Variants in SLCO4A1 observed in about 807,000 individuals in gnomAD.
The protein encoded by SLCO4A1 is solute carrier organic anion transporter family member 4A1.
Under a neutral mutation model 64.6 loss-of-function variants are expected in SLCO4A1, and 51 were observed. That is an observed-to-expected ratio of 0.79 (90% CI 0.63 to 1.00). The LOEUF is 1.00. SLCO4A1 is among the 50% of genes least tolerant of loss of function. The pLI is 0.00. For missense variants in SLCO4A1, 919 were observed against 980.5 expected, an observed-to-expected ratio of 0.94 and a Z score of 0.84; for synonymous variants, 471 against 444.9, an observed-to-expected ratio of 1.06 and a Z score of -0.74.
At chr20:62,658,309 G>A (rs1482364911) in intron 2 of SLCO4A1, among the ~76,000 whole-genome samples, 2 of 152,310 alleles carry the variant, frequency 1.3e-5, no homozygotes, top group South Asian at 2.1e-4. Context: ...GGGAGAGTGA[G>A]CGTGGCTGGG....
At chr20:62,653,503 T>C (rs1228675733) in intron 1 of SLCO4A1, among the ~76,000 whole-genome samples, 1 of 152,254 alleles carries the variant, frequency 6.6e-6, no homozygotes, top group African/African-American at 2.4e-5. Flanking sequence ...TGCTGTAGTG[T>C]CTGTCAGCAT....
Position 62,669,054 on chromosome 20 carries a change from A to T in SLCO4A1, c.2001A>T (p.Ile667=). ...AGAATTCGGCCATGAGCCGCTACAT[A>T]CTCATCATGGGGCTCCTGTACAAGG... ...VYQNSAMSRY[I]LIMGLLYKVL... The change falls in exon 11 of 12, where the codon ATA becomes ATT. Residue 667 remains isoleucine, a synonymous_variant. Coordinates refer to ENST00000217159, the MANE Select transcript of SLCO4A1 (RefSeq NM_016354.4). 1 of 1,611,144 alleles carries T rather than the reference A, an allele frequency of 6.2e-7. No homozygotes were observed. Among genetic ancestry groups the T allele is most frequent in the South Asian group, 1.1e-5 (1 of 91,082 alleles).
In SLCO4A1 at chr20:62,661,041, C is replaced by CCCCCCCCCCCCCCACACAA; in HGVS notation, c.1010-23_1010-22insCCCCCCCCCCCCCACACAA. 3 of 1,424,142 alleles carry CCCCCCCCCCCCCCACACAA rather than the reference C, an allele frequency of 2.1e-6. No homozygotes were observed. The highest frequency in any genetic ancestry group is 3.0e-6 in the Non-Finnish European group (3 of 1,010,140). The allele number at this position is 1,424,142 out of a possible 1,614,324, so 88.2% of individuals were successfully genotyped here. On this transcript the variant is annotated intron_variant, in intron 4 of 11. Transcript: ENST00000217159. The surrounding 1 kb of genome is among the most constrained non-coding windows in gnomAD (Gnocchi z 5.2). ...TCCGGGAGCCCCCAGCCCCCAGCCCCAGCTCACTCTGTGCCCTTCCAGGCT... is the reference window on the plus strand; with the variant it reads ...TCCGGGAGCCCCCAGCCCCCAGCCCCCCCCCCCCCCCCCACACAAAGCTCACTCTGTGCCCTTCCAGGCT...
At chr20:62,660,012 C>T (rs1984469385) in intron 3 of SLCO4A1, among the ~76,000 whole-genome samples, 1 of 152,240 alleles carries the variant, frequency 6.6e-6, no homozygotes, top group Non-Finnish European at 1.5e-5. Context: ...CAGTGAGCTC[C>T]AGCTGAGCCC....
Position 62,680,015 on chromosome 20 carries a change from C to A in SLCO4A1, n.212-5426C>A, listed in dbSNP as rs373320335. Reference sequence around the variant, plus strand: ...TTGTTCCAGGGCTACCCCCAGGAATCCCCCAGGAGAGGAGAGCTCGTCTTG... The same window carrying A: ...TTGTTCCAGGGCTACCCCCAGGAATACCCCAGGAGAGGAGAGCTCGTCTTG... On this transcript the variant is annotated intron_variant and non_coding_transcript_variant, in intron 2 of 2. Transcript: ENST00000466818. Among the ~76,000 whole-genome samples the A allele has an allele frequency of 3.9e-5, 6 of 152,318 alleles. No homozygotes were observed. In the East Asian group the frequency reaches 1.2e-3, roughly 29 times the overall value.
chr20:62,655,698 C>T (rs1197374957), intron 1 of SLCO4A1, among the ~76,000 whole-genome samples: 1 of 152,224 alleles, frequency 6.6e-6, no homozygotes, highest in African/African-American at 2.4e-5. Flanking sequence ...GCTGACCCAG[C>T]AGCGGCCGGA....
intron 2 of SLCO4A1, among the ~76,000 whole-genome samples, chr20:62,684,167 C>CACG (rs1477812116): frequency 6.6e-6 from 1 of 152,166 alleles, no homozygotes; most frequent in Non-Finnish European, 1.5e-5. Context: ...CACTCATCCC[C>CACG]CAACAGCAGT....
At chr20:62,686,888 GGCA>G (rs1237216362), downstream of SLCO4A1, among the ~76,000 whole-genome samples, 1 of 151,308 alleles carries the variant, frequency 6.6e-6, no homozygotes, top group Non-Finnish European at 1.5e-5. Flanking sequence ...CAATGGGAAG[GGCA>G]CCCCCAAACA....
At position 62,672,137 on chromosome 20, in the gene SLCO4A1, T is replaced by C. The variant is rs1422455653; in HGVS notation, c.*244T>C. ...TTTGCATCAGAACGTGTTTATAGAA[T>C]GTGTTTTATACCCGATCGTGTGTGG... On this transcript the variant is annotated 3_prime_UTR_variant, in exon 12 of 12. Coordinates refer to ENST00000217159, the MANE Select transcript of SLCO4A1 (RefSeq NM_016354.4). 13 of 1,403,706 alleles carry C rather than the reference T, an allele frequency of 9.3e-6. No individual in the cohort carries two copies. Among genetic ancestry groups the C allele is most frequent in the East Asian group, 5.5e-5 (2 of 36,506 alleles). The allele number at this position is 1,403,706 out of a possible 1,614,324, so 87.0% of individuals were successfully genotyped here.
intron 9 of SLCO4A1, 126 bp from the exon 10 acceptor site, chr20:62,668,351 G>A (rs748982065): frequency 7.8e-7 from 1 of 1,276,630 alleles, no homozygotes; most frequent in Admixed American, 1.7e-5. Flanking sequence ...CTCTGACGAG[G>A]GGCTTCCCAC....
Position 62,657,117 on chromosome 20 carries a change from G to T in SLCO4A1, c.663G>T (p.Ser221=). 1 of 1,583,558 alleles carries T rather than the reference G, an allele frequency of 6.3e-7. No homozygotes were observed. Among genetic ancestry groups the T allele is most frequent in the African/African-American group, 1.3e-5 (1 of 74,504 alleles). ...GCGCGGTGTGTGCGGACAGCACCTC[G>T]GGCCTGTCCCGCTACCAGCTGGTCT... ...NPGAVCADST[S]GLSRYQLVFM... Residue 221 remains serine, a synonymous_variant, in exon 2 of 12, where the codon TCG becomes TCT. Transcript: ENST00000217159.
downstream of SLCO4A1, among the ~76,000 whole-genome samples, chr20:62,673,307 C>T (rs1987415031): frequency 1.4e-5 from 2 of 142,798 alleles, no homozygotes; most frequent in African/African-American, 2.5e-5. Flanking sequence ...GGAAGTGGAT[C>T]GCCACTCAGA....
At chr20:62,653,165 G>A (rs763129556) in intron 1 of SLCO4A1, among the ~76,000 whole-genome samples, 3 of 152,254 alleles carry the variant, frequency 2.0e-5, no homozygotes, top group Admixed American at 2.0e-4. Flanking sequence ...GCCTGGGGCT[G>A]AGGCATCCAT....
chr20:62,656,097 A>G (rs1295623380), intron 1 of SLCO4A1, among the ~76,000 whole-genome samples: 2 of 152,208 alleles, frequency 1.3e-5, no homozygotes, highest in South Asian at 2.1e-4. Context: ...TCTCCTTCCA[A>G]CAGTTCTAAA....
chr20:62,651,436 C>A (rs1190627940), intron 1 of SLCO4A1: 1 of 152,200 alleles, frequency 6.6e-6, no homozygotes, highest in Non-Finnish European at 1.5e-5. Context: ...CAACGGAAGC[C>A]CCTGGAGGTG....
intron 7 of SLCO4A1, among the ~76,000 whole-genome samples, chr20:62,667,010 G>A (rs931113340): frequency 3.9e-5 from 6 of 152,236 alleles, no homozygotes; most frequent in South Asian, 4.1e-4. Flanking sequence ...CAAAATACAC[G>A]TAGGTAGCCT....
chr20:62,662,333 G>A (rs1390396608), intron 5 of SLCO4A1, among the ~76,000 whole-genome samples: 8 of 152,124 alleles, frequency 5.3e-5, no homozygotes, highest in Non-Finnish European at 4.4e-5. Flanking sequence ...TGGGAACATC[G>A]TGTAGGCACT....
intron 1 of SLCO4A1, chr20:62,651,573 A>T (rs1289401815): frequency 6.6e-6 from 1 of 152,214 alleles, no homozygotes; most frequent in African/African-American, 2.4e-5. Flanking sequence ...AAATGTGCAT[A>T]ATAGGTAACT....
chr20:62,665,225 T>A, intron 6 of SLCO4A1, 137 bp downstream of exon 6: 1 of 991,120 alleles, frequency 1.0e-6, no homozygotes, highest in Non-Finnish European at 1.5e-6. Context: ...CCAGAGCAGG[T>A]GTGGAGAGCG....
Sources: allele counts gnomAD v4.1 joint callset (sites outside exome capture counted in the v4.1 genomes callset), GRCh38; gene constraint gnomAD v4.1.1; non-coding constraint Gnocchi (gnomAD v3.1); transcripts MANE v1.5; gene names NCBI Gene and HGNC (gene_info 2026-07-23, HGNC 2026-07-21).